The following CCSER1 variants were observed in gnomAD, a reference collection of about 807,000 sequenced individuals.
CCSER1 encodes the protein coiled-coil serine rich protein 1, also known as serine-rich coiled-coil domain-containing protein 1.
A neutral mutation model predicts 82.0 loss-of-function variants in CCSER1; 41 were observed. The observed-to-expected ratio is 0.50, with a 90% CI of 0.39 to 0.65. CCSER1 has a LOEUF of 0.65. Among genes scored for constraint, CCSER1 ranks in the 30% least tolerant of loss-of-function variants. CCSER1 has a pLI of 0.00. For missense variants in CCSER1, 1,119 were observed against 1,064.2 expected, an observed-to-expected ratio of 1.05 and a Z score of -0.72; for synonymous variants, 414 against 383.9, an observed-to-expected ratio of 1.08 and a Z score of -0.92.
chr4:90,228,873 G>A (rs1306973388), intron 1 of CCSER1, among the ~76,000 whole-genome samples: 3 of 152,196 alleles, frequency 2.0e-5, no homozygotes, highest in East Asian at 3.8e-4. Context: ...GGGTATCAGC[G>A]ATGGAAGATG....
At chr4:90,847,373 G>A (rs557562131) in intron 8 of CCSER1, among the ~76,000 whole-genome samples, 1 of 152,296 alleles carries the variant, frequency 6.6e-6, no homozygotes, top group South Asian at 2.1e-4. Flanking sequence ...AGGAGACCTT[G>A]AGCTTTGCCA....
chr4:90,278,365 G>A (rs1728229252), intron 1 of CCSER1, among the ~76,000 whole-genome samples: 1 of 151,972 alleles, frequency 6.6e-6, no homozygotes, highest in African/African-American at 2.4e-5. Context: ...CTACCAAAAT[G>A]ACACAAGTAC....
intron 10 of CCSER1, among the ~76,000 whole-genome samples, chr4:91,277,803 G>T (rs931395182): frequency 2.6e-5 from 4 of 151,140 alleles, no homozygotes; most frequent in Admixed American, 1.3e-4. Context: ...CTATTTTTTT[G>T]ATCTAGGGTT....
chr4:90,164,788 G>A (rs1046888377), intron 1 of CCSER1, among the ~76,000 whole-genome samples: 2 of 152,030 alleles, frequency 1.3e-5, no homozygotes, highest in African/African-American at 4.8e-5. Flanking sequence ...TATATAGTGA[G>A]CACCCACCCA....
intron 4 of CCSER1, among the ~76,000 whole-genome samples, chr4:90,413,570 G>T (rs934951142): frequency 6.6e-6 from 1 of 151,982 alleles, no homozygotes; most frequent in African/African-American, 2.4e-5. Flanking sequence ...AAACAGCATG[G>T]TACTGGTATA....
intron 10 of CCSER1, among the ~76,000 whole-genome samples, chr4:91,111,925 G>T (rs1726131849): frequency 1.3e-5 from 2 of 150,914 alleles, no homozygotes; most frequent in Admixed American, 1.3e-4. Context: ...CATTTTATAT[G>T]CAGTCAAATA....
chr4:90,732,226 G>T (rs1190114703), intron 7 of CCSER1, among the ~76,000 whole-genome samples: 1 of 152,160 alleles, frequency 6.6e-6, no homozygotes, highest in Non-Finnish European at 1.5e-5. Context: ...AAACATGTCA[G>T]TCTAATTAGG....
intron 8 of CCSER1, among the ~76,000 whole-genome samples, chr4:90,910,256 T>C (rs1726134699): frequency 6.6e-6 from 1 of 152,232 alleles, no homozygotes; most frequent in Non-Finnish European, 1.5e-5. Flanking sequence ...TACAAAGAGA[T>C]TGTAATTCAC....
rs139369447 is a variant in CCSER1 at position 90,640,708 on chromosome 4, A to C, written c.1932+12476A>C. Reference sequence around the variant, plus strand: ...CATGCTGTTCTTGTGATAGTGAGTGAGTTCTCAGGAGACGTGATAGTTTAA... The same window carrying C: ...CATGCTGTTCTTGTGATAGTGAGTGCGTTCTCAGGAGACGTGATAGTTTAA... On this transcript the variant is annotated intron_variant, in intron 6 of 10. Transcript: ENST00000509176. 3.1e-3 allele frequency among the ~76,000 whole-genome samples: 465 copies of C among 152,200 alleles called. 2 individuals are homozygous for C. The highest frequency in any genetic ancestry group is 0.011 in the African/African-American group (440 of 41,528).
intron 10 of CCSER1, among the ~76,000 whole-genome samples, chr4:91,382,727 C>T (rs922388370): frequency 7.9e-5 from 12 of 152,254 alleles, no homozygotes; most frequent in Admixed American, 6.5e-4. Context: ...CACCCACTGT[C>T]TGACAAGCCC....
chr4:91,472,446 C>T (rs2149445273), intron 10 of CCSER1, among the ~76,000 whole-genome samples: 1 of 152,258 alleles, frequency 6.6e-6, no homozygotes, highest in East Asian at 1.9e-4. Context: ...TAGTAAACCC[C>T]AATCCTTTCT....
chr4:90,675,113 G>A (rs1849810), intron 6 of CCSER1, among the ~76,000 whole-genome samples: 1 of 151,638 alleles, frequency 6.6e-6, no homozygotes, highest in African/African-American at 2.4e-5. Flanking sequence ...TTTCATTTTC[G>A]TCATTGATGA....
Position 90,628,007 on chromosome 4 carries a change from T to C in CCSER1, c.1725-18T>C. 1 of 1,283,260 alleles carries C rather than the reference T, an allele frequency of 7.8e-7. No individual in the cohort carries two copies. Among genetic ancestry groups the C allele is most frequent in the Non-Finnish European group, 1.0e-6 (1 of 995,444 alleles). 79.5% of individuals were successfully genotyped at this position (1,283,260 alleles called of 1,614,324 possible). A position where few individuals can be genotyped will look rare whatever the true frequency, so the allele number is the denominator to read the frequency against. ...CATGCTGCACTGTAATTTTTGTTCTTTTTTTTTTTCTTGTTAGGAATCTTT... is the reference window on the plus strand; with the variant it reads ...CATGCTGCACTGTAATTTTTGTTCTCTTTTTTTTTCTTGTTAGGAATCTTT... On this transcript the variant is annotated intron_variant, in intron 5 of 10. Coordinates refer to ENST00000509176, the MANE Select transcript of CCSER1 (RefSeq NM_001145065.2).
intron 1 of CCSER1, among the ~76,000 whole-genome samples, chr4:90,272,295 G>A (rs1578876086): frequency 6.6e-6 from 1 of 152,240 alleles, no homozygotes; most frequent in East Asian, 1.9e-4. Flanking sequence ...TGGCAAACAG[G>A]TATATGAAAG....
intron 10 of CCSER1, among the ~76,000 whole-genome samples, chr4:91,229,364 A>AC (rs1738447356): frequency 6.6e-6 from 1 of 151,906 alleles, no homozygotes; most frequent in African/African-American, 2.4e-5. Flanking sequence ...TAAAAAAAAA[A>AC]CAGAGTACTC....
chr4:91,463,326 GA>G (rs1457183833), intron 10 of CCSER1, among the ~76,000 whole-genome samples: 1 of 152,126 alleles, frequency 6.6e-6, no homozygotes, highest in Non-Finnish European at 1.5e-5. Context: ...CTAACAAACA[GA>G]AAGGACATCC....
chr4:90,184,345 A>T (rs187647682), intron 1 of CCSER1, among the ~76,000 whole-genome samples: 9 of 152,252 alleles, frequency 5.9e-5, no homozygotes, highest in Non-Finnish European at 1.3e-4. Context: ...GATTTGCACC[A>T]AAGAGTAAGT....
intron 3 of CCSER1, among the ~76,000 whole-genome samples, chr4:90,365,073 A>C (rs555371448): frequency 2.0e-5 from 3 of 151,868 alleles, no homozygotes; most frequent in African/African-American, 7.2e-5. Context: ...TGATATTGCA[A>C]TCAGTGAAAT....
At chr4:90,508,013 T>C (rs1326261520) in intron 5 of CCSER1, among the ~76,000 whole-genome samples, 1 of 152,096 alleles carries the variant, frequency 6.6e-6, no homozygotes, top group Non-Finnish European at 1.5e-5. Context: ...GATAATGTAG[T>C]GTGCTTATAT....
Sources: gnomAD v4.1 joint callset for allele counts (sites outside exome capture counted in the v4.1 genomes callset) on GRCh38, gnomAD v4.1.1 for gene constraint, MANE v1.5 for transcripts, NCBI Gene and HGNC (gene_info 2026-07-23, HGNC 2026-07-21) for gene names.